C1orf21: variants seen among roughly 807,000 people sequenced by gnomAD.
C1orf21 encodes chromosome 1 open reading frame 21, also known as uncharacterized protein C1orf21.
Under a neutral mutation model 18.7 loss-of-function variants are expected in C1orf21, and 3 were observed. The ratio of observed to expected loss-of-function variants is 0.16; its 90% confidence interval spans 0.07 to 0.42. The LOEUF is 0.42. Among genes scored for constraint, C1orf21 ranks in the 10% least tolerant of loss-of-function variants. C1orf21 has a pLI of 0.99. For synonymous variants in C1orf21, 41 were observed against 46.4 expected, an observed-to-expected ratio of 0.88 and a Z score of 0.47; for missense variants, 104 against 143.6, an observed-to-expected ratio of 0.72 and a Z score of 1.41.
At chr1:184,526,315 G>A (rs746688361) in intron 3 of C1orf21, among the ~76,000 whole-genome samples, 3 of 152,154 alleles carry the variant, frequency 2.0e-5, no homozygotes, top group Non-Finnish European at 4.4e-5. Flanking sequence ...AGAATCAGAA[G>A]CTGAGGATGT....
chr1:184,602,627 G>GTACC (rs1461769857), intron 5 of C1orf21, among the ~76,000 whole-genome samples: 4 of 152,100 alleles, frequency 2.6e-5, no homozygotes, highest in Non-Finnish European at 4.4e-5. Flanking sequence ...TTTTTTCACT[G>GTACC]TACCTAGAGA....
At position 184,628,955 on chromosome 1, in the gene C1orf21, A is replaced by C. The variant is rs1383832137; in HGVS notation, c.*9399A>C. 1 of 152,476 alleles carries C rather than the reference A, an allele frequency of 6.6e-6. No homozygotes were observed. The highest frequency in any genetic ancestry group is 2.4e-5 in the African/African-American group (1 of 41,386). The allele number at this position is 152,476 out of a possible 1,614,324, so 9.4% of individuals were successfully genotyped here. ...TCTAATTATATATACATATTTATAC[A>C]TGTGTATTTTTGTTTATTGTTACAT... On this transcript the variant is annotated 3_prime_UTR_variant, in exon 6 of 6. Coordinates refer to ENST00000235307, the MANE Select transcript of C1orf21 (RefSeq NM_030806.4).
At chr1:184,592,481 A>G (rs1245056089) in intron 4 of C1orf21, among the ~76,000 whole-genome samples, 2 of 152,156 alleles carry the variant, frequency 1.3e-5, no homozygotes, top group East Asian at 3.9e-4. Flanking sequence ...TTAATGATAA[A>G]ATATATTTTG....
At chr1:184,507,180 C>T (rs1450989015) in intron 2 of C1orf21, among the ~76,000 whole-genome samples, 1 of 152,158 alleles carries the variant, frequency 6.6e-6, no homozygotes, top group Non-Finnish European at 1.5e-5. Context: ...AAATTGTTGG[C>T]ACAGGCATTT....
At chr1:184,527,463 G>T (rs1658394342) in intron 3 of C1orf21, among the ~76,000 whole-genome samples, 1 of 152,174 alleles carries the variant, frequency 6.6e-6, no homozygotes, top group Non-Finnish European at 1.5e-5. Context: ...GTCTCAGAAG[G>T]TATGGGAAAG....
chr1:184,554,498 A>G (rs1448265360), intron 3 of C1orf21, among the ~76,000 whole-genome samples: 1 of 152,224 alleles, frequency 6.6e-6, no homozygotes, highest in Non-Finnish European at 1.5e-5. Flanking sequence ...GAATTACAAT[A>G]AAAGGAAATT....
intron 3 of C1orf21, among the ~76,000 whole-genome samples, chr1:184,553,550 C>T (rs1261449201): frequency 2.6e-5 from 4 of 152,152 alleles, no homozygotes; most frequent in Admixed American, 6.5e-5. Flanking sequence ...GAATGGTTGG[C>T]TCTTTGGGCA....
At chr1:184,437,631 G>A (rs548555840) in intron 1 of C1orf21, among the ~76,000 whole-genome samples, 8 of 152,124 alleles carry the variant, frequency 5.3e-5, no homozygotes, top group African/African-American at 1.9e-4. Context: ...TTAATGCAGC[G>A]ATCTTCGGCC....
rs975291418 is a variant in C1orf21, at chr1:184,434,064, A to G, written c.-124-43322A>G. ...TCTCCAGCAGGCTTCCTCCCTGTGT[A>G]CTGTAATTATTTTCCAGACTCTGGA... On this transcript the variant is annotated intron_variant, in intron 1 of 5. Coordinates refer to ENST00000235307, the MANE Select transcript of C1orf21 (RefSeq NM_030806.4). Among the ~76,000 whole-genome samples the G allele has an allele frequency of 2.0e-5, 3 of 152,190 alleles. No homozygotes were observed. The South Asian group carries it at 6.2e-4, about 32-fold the overall frequency.
intron 2 of C1orf21, among the ~76,000 whole-genome samples, chr1:184,480,456 A>G (rs1657636859): frequency 6.6e-6 from 1 of 152,208 alleles, no homozygotes. Context: ...TTGTGCTTAC[A>G]TTCTGCTTGG....
chr1:184,404,932 C>T lies in C1orf21; in HGVS notation c.-125+17564C>T, dbSNP rs144882825. Among the ~76,000 whole-genome samples, 318 of 152,262 alleles carry T rather than the reference C, an allele frequency of 2.1e-3. 2 individuals carry two copies. Among genetic ancestry groups the T allele is most frequent in the African/African-American group, 7.3e-3 (305 of 41,552 alleles). ...TGTTTGTTTTCTGATCTGAAGCCTT[C>T]CACAGATTTCCATCCTCAAGATTAC... On this transcript the variant is annotated intron_variant, in intron 1 of 5. Coordinates refer to ENST00000235307, the MANE Select transcript of C1orf21 (RefSeq NM_030806.4).
chr1:184,561,711 G>A (rs775763073), intron 3 of C1orf21, among the ~76,000 whole-genome samples: 12 of 152,038 alleles, frequency 7.9e-5, no homozygotes, highest in Non-Finnish European at 1.6e-4. Flanking sequence ...TACACCTTCC[G>A]GGATCAAGTA....
intron 1 of C1orf21, among the ~76,000 whole-genome samples, chr1:184,399,781 T>C (rs1164178988): frequency 6.6e-6 from 1 of 152,178 alleles, no homozygotes; most frequent in African/African-American, 2.4e-5. Context: ...GTAAAAAACA[T>C]TGATGCTATT....
At chr1:184,514,106 G>A (rs1193664574) in intron 3 of C1orf21, among the ~76,000 whole-genome samples, 1 of 152,158 alleles carries the variant, frequency 6.6e-6, no homozygotes, top group East Asian at 1.9e-4. Flanking sequence ...AGGCCAGCCT[G>A]GGCAACATAG....
chr1:184,484,884 CTGTGTGTGTGTGTG>C (rs3034460), intron 2 of C1orf21, among the ~76,000 whole-genome samples: 73 of 146,090 alleles, frequency 5.0e-4, no homozygotes, highest in African/African-American at 1.4e-3. Context: ...ATGCTTGTGG[CTGTGTGTGTGTGTG>C]TGTGTGTGTG....
intron 5 of C1orf21, among the ~76,000 whole-genome samples, chr1:184,604,544 A>C (rs1032061780): frequency 6.6e-6 from 1 of 152,180 alleles, no homozygotes; most frequent in Non-Finnish European, 1.5e-5. Context: ...CTCTCCCTTC[A>C]TCACCTTGCC....
intron 1 of C1orf21, among the ~76,000 whole-genome samples, chr1:184,427,232 C>T (rs1656656893): frequency 6.6e-6 from 1 of 152,138 alleles, no homozygotes; most frequent in African/African-American, 2.4e-5. Flanking sequence ...TTGTTAGTGC[C>T]TAGTGCTTAC....
At chr1:184,618,162 G>C (rs1208846454) in intron 5 of C1orf21, among the ~76,000 whole-genome samples, 1 of 151,976 alleles carries the variant, frequency 6.6e-6, no homozygotes. Flanking sequence ...CACCTGCCTC[G>C]GCCTCCCAAA....
intron 3 of C1orf21, among the ~76,000 whole-genome samples, chr1:184,548,207 A>C: frequency 7.2e-6 from 1 of 139,818 alleles, no homozygotes; most frequent in East Asian, 2.1e-4. Context: ...CCATATCTCA[A>C]ATCCCCAACA....
Sources: gnomAD v4.1 joint callset for allele counts (sites outside exome capture counted in the v4.1 genomes callset) on GRCh38, gnomAD v4.1.1 for gene constraint, MANE v1.5 for transcripts, NCBI Gene and HGNC (gene_info 2026-07-23, HGNC 2026-07-21) for gene names.